Variants in DIABLO observed in about 807,000 individuals in gnomAD.
DIABLO encodes diablo IAP-binding mitochondrial protein, also known as diablo homolog, mitochondrial.
A neutral mutation model predicts 31.7 loss-of-function variants in DIABLO; 32 were observed. That is an observed-to-expected ratio of 1.01 (90% confidence interval 0.76 to 1.35). The LOEUF (loss-of-function observed/expected upper bound fraction) is 1.35, where lower values mean the gene tolerates loss of function less well. DIABLO is among the 40% of genes most tolerant of loss of function. The pLI, the probability that DIABLO is intolerant of heterozygous loss-of-function variation, is 0.00. For synonymous variants in DIABLO, 132 were observed against 103.2 expected (o/e 1.28, Z -1.69); for missense variants, 316 against 286.4 (o/e 1.10, Z -0.75).
At chr12:122,218,892 G>A (rs1593177280) in intron 2 of DIABLO, 1 of 161,256 alleles carries the variant, frequency 6.2e-6, no homozygotes, top group East Asian at 1.8e-4. Context: ...ACAGTGAGCC[G>A]AGACTGCCAC....
chr12:122,209,597 G>A lies in DIABLO; in HGVS notation c.524-1020C>T, dbSNP rs371893050. ...GGAGAATTGCTTGAACCTGGGAGGC[G>A]GAGGTTGCAGTGAGCTGAGATCGCG... On this transcript the variant is annotated intron_variant, in intron 5 of 5. Coordinates refer to ENST00000464942, the MANE Select transcript of DIABLO (RefSeq NM_001371333.1). The A allele has an allele frequency of 2.9e-5, 17 of 584,390 alleles. No individual in the cohort carries two copies. The East Asian group carries it at 3.2e-4, about 11-fold the overall frequency. The allele number at this position is 584,390 out of a possible 1,614,324, so 36.2% of individuals were successfully genotyped here.
intron 5 of DIABLO, 45 bp from the exon 6 acceptor site, chr12:122,208,622 C>A (rs369135778): frequency 6.9e-6 from 11 of 1,592,936 alleles, no homozygotes; most frequent in African/African-American, 1.3e-5. Context: ...GTGCAGGGCG[C>A]GGAAGGCTCA....
intron 5 of DIABLO, among the ~76,000 whole-genome samples, chr12:122,212,119 A>AACT (rs1954102026): frequency 6.6e-6 from 1 of 151,922 alleles, no homozygotes; most frequent in Non-Finnish European, 1.5e-5. Context: ...CATAGGTGTG[A>AACT]ACTACTGCAC....
intron 5 of DIABLO, among the ~76,000 whole-genome samples, chr12:122,215,046 G>A (rs746121133): frequency 3.3e-5 from 5 of 152,182 alleles, no homozygotes; most frequent in Admixed American, 1.3e-4. Context: ...TTGGTGAGCC[G>A]GCTGGGTGCG....
intron 5 of DIABLO, among the ~76,000 whole-genome samples, chr12:122,212,687 T>C (rs1407526823): frequency 3.3e-5 from 5 of 151,198 alleles, no homozygotes; most frequent in Non-Finnish European, 7.4e-5. Context: ...TGCAGTGGTG[T>C]GATCTCTGCT....
chr12:122,216,646 T>TAG (rs1223163518), intron 4 of DIABLO, 62 bp from the exon 5 acceptor site: 43 of 1,559,772 alleles, frequency 2.8e-5, no homozygotes, highest in African/African-American at 1.4e-5. Context: ...TAAATGGACT[T>TAG]AAAGTAGTAG....
chr12:122,226,973 G>A (rs1954492629), upstream of DIABLO, among the ~76,000 whole-genome samples: 1 of 152,238 alleles, frequency 6.6e-6, no homozygotes, highest in South Asian at 2.1e-4. Context: ...GCTGGAAGGG[G>A]AAGGGGAGAG....
chr12:122,213,720 C>CCACACTTCCGTTGTTTCATTCTT (rs1954140226), intron 5 of DIABLO, among the ~76,000 whole-genome samples: 1 of 152,134 alleles, frequency 6.6e-6, no homozygotes, highest in African/African-American at 2.4e-5. Flanking sequence ...AATGCTGCTT[C>CCACACTTCCGTTGTTTCATTCTT]CACACTTCCG....
intron 1 of DIABLO, 176 bp downstream of exon 1, chr12:122,225,788 CA>C (rs1281720106): frequency 2.1e-6 from 3 of 1,455,064 alleles, no homozygotes; most frequent in Non-Finnish European, 2.7e-6. Context: ...GGGCTTGACC[CA>C]GGGGGCGGAG....
chr12:122,218,554 G>T, intron 2 of DIABLO, 157 bp from the exon 3 acceptor site: 1 of 889,254 alleles, frequency 1.1e-6, no homozygotes, highest in Non-Finnish European at 1.7e-6. Flanking sequence ...GCCTTATTTT[G>T]GCAATTTAAG....
At chr12:122,210,542 TA>T (rs1954060813) in intron 5 of DIABLO, among the ~76,000 whole-genome samples, 1 of 151,452 alleles carries the variant, frequency 6.6e-6, no homozygotes, top group African/African-American at 2.4e-5. Flanking sequence ...CTAATTTATT[TA>T]TTTATTTTTT....
chr12:122,212,411 T>C (rs1954107687), intron 5 of DIABLO, among the ~76,000 whole-genome samples: 1 of 152,150 alleles, frequency 6.6e-6, no homozygotes, highest in African/African-American at 2.4e-5. Flanking sequence ...TGAGTCTATG[T>C]CTGAGGATAT....
intron 1 of DIABLO, 58 bp downstream of exon 1, chr12:122,225,907 G>A: frequency 6.4e-7 from 1 of 1,550,900 alleles, no homozygotes; most frequent in South Asian, 1.2e-5. Context: ...GGGCCACAGC[G>A]CTGTCCGCGT....
chr12:122,223,780 T>A (rs1029451677), intron 2 of DIABLO, among the ~76,000 whole-genome samples: 1 of 152,162 alleles, frequency 6.6e-6, no homozygotes, highest in African/African-American at 2.4e-5. Context: ...CCTCCCAGAA[T>A]TGCCTATTCA....
At chr12:122,215,852 C>G (rs1419888781) in intron 5 of DIABLO, among the ~76,000 whole-genome samples, 1 of 114,164 alleles carries the variant, frequency 8.8e-6, no homozygotes, top group African/African-American at 3.4e-5. Flanking sequence ...GCCTGTGCAA[C>G]ATTGTAAAAC....
intron 2 of DIABLO, among the ~76,000 whole-genome samples, chr12:122,223,298 G>A (rs567717643): frequency 2.6e-5 from 4 of 151,744 alleles, no homozygotes; most frequent in South Asian, 2.1e-4. Context: ...AGCTGGGTGC[G>A]GTGGCACACC....
At chr12:122,210,504 C>T (rs903461295) in intron 5 of DIABLO, among the ~76,000 whole-genome samples, 2 of 151,150 alleles carry the variant, frequency 1.3e-5, no homozygotes. Context: ...TCCTGAGTAG[C>T]TGGGACTACA....
Position 122,226,025 on chromosome 12 carries a change from G to A in DIABLO, c.-11C>T, listed in dbSNP as rs376530914. ...CTTCAGAGCCGCCATTGTGCAGCGC[G>A]CGGACGCCAGACGCACACGCCGGAA... is the stretch of plus-strand genomic sequence containing the variant. On this transcript the variant is annotated 5_prime_UTR_variant, in exon 1 of 6. Coordinates refer to ENST00000464942, the MANE Select transcript of DIABLO (RefSeq NM_001371333.1). 368 of 1,601,310 alleles carry A rather than the reference G, an allele frequency of 2.3e-4. No homozygotes were observed. The highest frequency in any genetic ancestry group is 4.6e-4 in the Admixed American group (27 of 58,730).
chr12:122,227,234 C>G (rs1954496744), upstream of DIABLO: 1 of 381,952 alleles, frequency 2.6e-6, no homozygotes, highest in Non-Finnish European at 5.3e-6. Context: ...CGACATCAGA[C>G]AGTAAGAACC....
Sources: gnomAD v4.1 joint callset for allele counts (sites outside exome capture counted in the v4.1 genomes callset) on GRCh38, gnomAD v4.1.1 for gene constraint, MANE v1.5 for transcripts, NCBI Gene and HGNC (gene_info 2026-07-23, HGNC 2026-07-21) for gene names.